The following IFT52 variants were observed in gnomAD, a reference collection of about 807,000 sequenced individuals.
IFT52 encodes intraflagellar transport 52.
Under a neutral mutation model 54.4 loss-of-function variants are expected in IFT52, and 44 were observed. The ratio of observed to expected loss-of-function variants is 0.81; its 90% CI spans 0.63 to 1.04. The LOEUF (loss-of-function observed/expected upper bound fraction) is 1.04. Among genes scored for constraint, IFT52 ranks in the 50% least tolerant of loss-of-function variants. The pLI is 0.00. For missense variants in IFT52, 452 were observed against 523.6 expected, an observed-to-expected ratio of 0.86 and a Z score of 1.33; for synonymous variants, 181 against 185.3, an observed-to-expected ratio of 0.98 and a Z score of 0.19.
At chr20:43,595,003 C>T (rs1473686659) in intron 2 of IFT52, among the ~76,000 whole-genome samples, 186 bp downstream of exon 2, 3 of 151,810 alleles carry the variant, frequency 2.0e-5, no homozygotes, top group Non-Finnish European at 4.4e-5. Flanking sequence ...GAGGCTGAGG[C>T]GGGCGGATCA....
chr20:43,646,374 G>A (rs1436681728), intron 13 of IFT52, among the ~76,000 whole-genome samples: 3 of 152,086 alleles, frequency 2.0e-5, no homozygotes, highest in South Asian at 2.1e-4. Flanking sequence ...TGGCTGTGCC[G>A]GATGCTCATT....
At chr20:43,605,121 G>T in intron 6 of IFT52, 48 bp downstream of exon 6, 1 of 1,597,332 alleles carries the variant, frequency 6.3e-7, no homozygotes, top group Non-Finnish European at 8.5e-7. Context: ...TCATTTTGGA[G>T]TCTTCTTTTT....
At chr20:43,642,413 C>G in intron 12 of IFT52, 66 bp from the exon 13 acceptor site, 1 of 1,467,558 alleles carries the variant, frequency 6.8e-7, no homozygotes, top group South Asian at 1.2e-5. Context: ...CTGAAACACA[C>G]TAAGTCTGTA....
intron 1 of IFT52, among the ~76,000 whole-genome samples, chr20:43,593,103 A>AT (rs1981664427): frequency 6.6e-6 from 1 of 152,138 alleles, no homozygotes; most frequent in Admixed American, 6.6e-5. Flanking sequence ...TTTATCTCAA[A>AT]TAATAATAAT....
At chr20:43,616,217 C>T (rs145312891) in intron 7 of IFT52, among the ~76,000 whole-genome samples, 1 of 151,922 alleles carries the variant, frequency 6.6e-6, no homozygotes, top group African/African-American at 2.4e-5. Flanking sequence ...ATAATGTGCT[C>T]ATTGTTGGGC....
intron 10 of IFT52, among the ~76,000 whole-genome samples, chr20:43,632,677 T>G (rs1985255968): frequency 6.6e-6 from 1 of 152,246 alleles, no homozygotes; most frequent in Admixed American, 6.5e-5. Context: ...ACTCCTCATG[T>G]GTAGAACTGC....
intron 2 of IFT52, among the ~76,000 whole-genome samples, chr20:43,595,557 A>G (rs1406381257): frequency 6.6e-6 from 1 of 151,974 alleles, no homozygotes; most frequent in Non-Finnish European, 1.5e-5. Flanking sequence ...AAAAAAATAA[A>G]AAAACATTAT....
chr20:43,608,933 A>T lies in IFT52; in HGVS notation c.485+3860A>T, dbSNP rs528236438. The stretch of plus-strand genomic sequence containing the variant: ...AAAAATATGTAAATAAAATGAAATT[A>T]AAAAATAAAATAATGTGATTGGCTG... On this transcript the variant is annotated intron_variant, in intron 6 of 13. Transcript: ENST00000373030. 2.6e-4 allele frequency among the ~76,000 whole-genome samples: 39 copies of T among 151,672 alleles called. 1 individual carries two copies. In the South Asian group the frequency reaches 4.8e-3, roughly 19 times the overall value.
intron 6 of IFT52, among the ~76,000 whole-genome samples, chr20:43,605,967 T>A (rs1020839777): frequency 1.3e-5 from 2 of 152,154 alleles, no homozygotes; most frequent in Admixed American, 6.5e-5. Context: ...ACTCCTGTAA[T>A]TGCAGCACTT....
chr20:43,623,597 G>A (rs1984500721), intron 9 of IFT52, among the ~76,000 whole-genome samples: 1 of 152,220 alleles, frequency 6.6e-6, no homozygotes, highest in Non-Finnish European at 1.5e-5. Context: ...CAGAGATCAT[G>A]AAATTAAAAG....
intron 10 of IFT52, among the ~76,000 whole-genome samples, chr20:43,632,035 C>T (rs954335020): frequency 3.3e-5 from 5 of 151,776 alleles, no homozygotes; most frequent in South Asian, 2.1e-4. Flanking sequence ...AAGCAATTCT[C>T]CTGCCTCAGC....
rs995835898 is a variant in IFT52 at position 43,614,344 on chromosome 20, C to T, written c.612+368C>T. Among the ~76,000 whole-genome samples the T allele has an allele frequency of 2.6e-5, 4 of 151,676 alleles. No homozygotes were observed. The Middle Eastern group carries it at 0.01, about 387-fold the overall frequency. On this transcript the variant is annotated intron_variant, in intron 7 of 13. Coordinates refer to ENST00000373030, the MANE Select transcript of IFT52 (RefSeq NM_016004.5). ...CCACCTCCCGGGTTCACGCCATTCT[C>T]CTGCCTCAGCCTCCCGAGTAGCTAA... is the stretch of plus-strand genomic sequence containing the variant.
intron 4 of IFT52, 141 bp from the exon 5 acceptor site, chr20:43,604,042 G>A: frequency 1.1e-6 from 1 of 935,390 alleles, no homozygotes; most frequent in Non-Finnish European, 1.7e-6. Context: ...GAGCCTCCTA[G>A]GCTTGGGCTG....
chr20:43,633,530 A>G (rs1189270483), intron 10 of IFT52, among the ~76,000 whole-genome samples: 2 of 151,714 alleles, frequency 1.3e-5, no homozygotes. Context: ...CAACATGGTG[A>G]AACCCCATCT....
intron 9 of IFT52, among the ~76,000 whole-genome samples, chr20:43,622,744 T>G (rs1984414377): frequency 8.0e-6 from 1 of 125,456 alleles, no homozygotes; most frequent in Admixed American, 9.2e-5. Context: ...TACATATTTT[T>G]ATGTAAATAT....
At chr20:43,596,558 A>T (rs772943756) in intron 3 of IFT52, 36 bp downstream of exon 3, 7 of 1,363,364 alleles carry the variant, frequency 5.1e-6, no homozygotes, top group Non-Finnish European at 7.3e-6. Context: ...ATATGGTGAA[A>T]TGATTAGGAG....
intron 8 of IFT52, among the ~76,000 whole-genome samples, chr20:43,619,905 T>G (rs1240162204): frequency 7.1e-6 from 1 of 140,810 alleles, no homozygotes; most frequent in Non-Finnish European, 1.5e-5. Context: ...GATCTAGATA[T>G]TCTACTTTTT....
At chr20:43,611,752 G>A (rs928310521) in intron 6 of IFT52, among the ~76,000 whole-genome samples, 1 of 151,926 alleles carries the variant, frequency 6.6e-6, no homozygotes, top group Admixed American at 6.6e-5. Context: ...CAAATAGGCC[G>A]GTCACAGTGG....
intron 9 of IFT52, among the ~76,000 whole-genome samples, chr20:43,622,739 A>C (rs1984412647): frequency 7.4e-6 from 1 of 135,620 alleles, no homozygotes; most frequent in Non-Finnish European, 1.5e-5. Context: ...ATATATACAT[A>C]TTTTTATGTA....
Sources: allele counts gnomAD v4.1 joint callset (sites outside exome capture counted in the v4.1 genomes callset), GRCh38; gene constraint gnomAD v4.1.1; transcripts MANE v1.5; gene names NCBI Gene and HGNC (gene_info 2026-07-23, HGNC 2026-07-21).